RHBDL2: variants seen among roughly 807,000 people sequenced by gnomAD.
RHBDL2 encodes rhomboid like 2, also known as rhomboid-related protein 2.
In RHBDL2, 26 loss-of-function variants were observed where a neutral mutation model predicts 31.7. The ratio of observed to expected loss-of-function variants is 0.82; its 90% CI spans 0.60 to 1.14. The LOEUF is 1.14. RHBDL2 is among the 50% of genes most tolerant of loss of function. The probability of loss-of-function intolerance (pLI) is 0.00; values close to 1 mark genes in which losing one functional copy is unlikely to be tolerated. For missense variants in RHBDL2, 336 were observed against 364.4 expected, an observed-to-expected ratio of 0.92 and a Z score of 0.63; for synonymous variants, 123 against 127.2, an observed-to-expected ratio of 0.97 and a Z score of 0.22.
chr1:38,924,969 C>T (rs1295605761), intron 1 of RHBDL2, among the ~76,000 whole-genome samples: 8 of 151,536 alleles, frequency 5.3e-5, no homozygotes, highest in African/African-American at 1.9e-4. Flanking sequence ...TTAGTAGAGA[C>T]AGGGTTTCAC....
intron 5 of RHBDL2, among the ~76,000 whole-genome samples, chr1:38,894,698 T>C (rs1178322411): frequency 1.5e-5 from 1 of 68,202 alleles, no homozygotes; most frequent in Non-Finnish European, 3.7e-5. Flanking sequence ...CTTTTTTTTC[T>C]TTTTTTTTCT....
chr1:38,911,390 C>T lies in RHBDL2; in HGVS notation c.440G>A (p.Gly147Asp), dbSNP rs1557614876. Residue 147 changes from glycine to aspartate, a missense_variant, in exon 4 of 8, where the codon GGT becomes GAT. Physicochemically the swap from Gly to Asp is moderately conservative, Grantham distance 94 (BLOSUM62 -1). Transcript: ENST00000372990. ...TTTGTGGACCATTTCCAAGGGAATACCCAAAACAAGCTGCATACAAAGATT... is the reference window on the plus strand; with the variant it reads ...TTTGTGGACCATTTCCAAGGGAATATCCAAAACAAGCTGCATACAAAGATT... The part of the protein sequence containing the change: ...LGNLCMQLVL[G>D]IPLEMVHKGL... 1.9e-6 allele frequency: 3 copies of T among 1,613,930 alleles called. No individual in the cohort carries two copies. Among genetic ancestry groups the T allele is most frequent in the South Asian group, 1.1e-5 (1 of 91,076 alleles).
chr1:38,895,408 CAACT>C (rs772505920), intron 5 of RHBDL2, among the ~76,000 whole-genome samples: 3 of 152,058 alleles, frequency 2.0e-5, no homozygotes. Flanking sequence ...ACCACCCACC[CAACT>C]GTTAACAGAT....
In RHBDL2 at chr1:38,927,320, G is replaced by A. The variant is rs558555599; in HGVS notation, c.-125-7983C>T. Reference sequence around the variant, plus strand: ...CGGGCGCCTGTAGTCCCAGCTACTCGGGAGGCTGAGGCAGGAGAACGGCAT... The same window carrying A: ...CGGGCGCCTGTAGTCCCAGCTACTCAGGAGGCTGAGGCAGGAGAACGGCAT... On this transcript the variant is annotated intron_variant, in intron 1 of 7. Coordinates refer to ENST00000372990, the MANE Select transcript of RHBDL2 (RefSeq NM_017821.5). 2.6e-5 allele frequency among the ~76,000 whole-genome samples: 4 copies of A among 152,212 alleles called. No homozygotes were observed. The East Asian group carries it at 7.7e-4, about 29-fold the overall frequency.
intron 1 of RHBDL2, among the ~76,000 whole-genome samples, chr1:38,935,602 T>C (rs1415050436): frequency 6.6e-6 from 1 of 152,118 alleles, no homozygotes; most frequent in Non-Finnish European, 1.5e-5. Flanking sequence ...TAATTAGCAT[T>C]GAGCAAATTT....
intron 1 of RHBDL2, among the ~76,000 whole-genome samples, chr1:38,921,803 A>G (rs1306272299): frequency 6.6e-6 from 1 of 152,130 alleles, no homozygotes; most frequent in Non-Finnish European, 1.5e-5. Flanking sequence ...ACTTTTTGCC[A>G]CGTCTCATAA....
chr1:38,894,713 T>C (rs1642894178), intron 5 of RHBDL2, among the ~76,000 whole-genome samples: 2 of 143,444 alleles, frequency 1.4e-5, no homozygotes, highest in African/African-American at 2.6e-5. Flanking sequence ...TTTTCTTTTT[T>C]TTTTTTTTTT....
intron 4 of RHBDL2, among the ~76,000 whole-genome samples, chr1:38,902,611 G>C (rs6600452): frequency 0.36 from 54,564 of 151,522 alleles, 10,949 homozygotes; most frequent in Non-Finnish European, 0.45. Context: ...TAATAGAGAC[G>C]GGGTTTCACC....
intron 3 of RHBDL2, among the ~76,000 whole-genome samples, chr1:38,913,037 C>A (rs1298024993): frequency 6.8e-6 from 1 of 146,300 alleles, no homozygotes; most frequent in African/African-American, 2.6e-5. Flanking sequence ...GGCTGGAGTG[C>A]GGTGGCGCGA....
At chr1:38,931,707 A>G (rs1180701655) in intron 1 of RHBDL2, among the ~76,000 whole-genome samples, 1 of 151,878 alleles carries the variant, frequency 6.6e-6, no homozygotes, top group Non-Finnish European at 1.5e-5. Context: ...GAAAAAAAAA[A>G]AAGAAAGAAA....
chr1:38,939,734 G>A (rs1643543612), intron 1 of RHBDL2, among the ~76,000 whole-genome samples: 1 of 152,092 alleles, frequency 6.6e-6, no homozygotes, highest in South Asian at 2.1e-4. Flanking sequence ...TAGAGAAGAG[G>A]TCTCACTGTG....
At position 38,920,609 on chromosome 1, in the gene RHBDL2, T is replaced by C. The variant is rs544855845; in HGVS notation, c.-125-1272A>G. On this transcript the variant is annotated intron_variant, in intron 1 of 7. Transcript: ENST00000372990. ...GAACATCCCTGTACAAGTTTTCTCT[T>C]TTTTTTTTTTTTTTTGAGACAGAGT... 6.7e-3 allele frequency among the ~76,000 whole-genome samples: 599 copies of C among 89,070 alleles called. 6 individuals carry two copies. The highest frequency in any genetic ancestry group is 0.017 in the African/African-American group (558 of 33,608). 58.4% of individuals were successfully genotyped at this position (89,070 alleles called of 152,430 possible). A position where few individuals can be genotyped will look rare whatever the true frequency, so the allele number is the denominator to read the frequency against.
intron 3 of RHBDL2, among the ~76,000 whole-genome samples, chr1:38,913,385 T>C (rs895254842): frequency 6.6e-6 from 1 of 152,192 alleles, no homozygotes; most frequent in Non-Finnish European, 1.5e-5. Flanking sequence ...GCTCAGAACA[T>C]ACTTGTTAAA....
At chr1:38,931,180 T>A (rs78879945) in intron 1 of RHBDL2, among the ~76,000 whole-genome samples, 1 of 152,204 alleles carries the variant, frequency 6.6e-6, no homozygotes, top group African/African-American at 2.4e-5. Flanking sequence ...TGAAAACTTC[T>A]GCCCTAGAGA....
intron 4 of RHBDL2, among the ~76,000 whole-genome samples, chr1:38,907,851 C>A (rs1271122168): frequency 2.0e-5 from 3 of 152,032 alleles, no homozygotes; most frequent in Non-Finnish European, 2.9e-5. Flanking sequence ...AAGACATAAC[C>A]CCAAAAGTAC....
At chr1:38,940,321 A>G (rs987956510) in intron 1 of RHBDL2, among the ~76,000 whole-genome samples, 69 of 152,096 alleles carry the variant, frequency 4.5e-4, no homozygotes, top group African/African-American at 1.6e-3. Context: ...TTTTACCACA[A>G]ACCAGCACCT....
chr1:38,936,520 G>A (rs1281556121), intron 1 of RHBDL2, among the ~76,000 whole-genome samples: 3 of 134,232 alleles, frequency 2.2e-5, no homozygotes, highest in Admixed American at 1.5e-4. Flanking sequence ...TTTTTTTCAA[G>A]ATGGAGTTTT....
chr1:38,897,853 G>A (rs1452364701), intron 4 of RHBDL2, among the ~76,000 whole-genome samples: 4 of 152,160 alleles, frequency 2.6e-5, no homozygotes, highest in African/African-American at 9.7e-5. Flanking sequence ...CCAGTAGGCC[G>A]GGCACGGTGG....
At chr1:38,922,740 A>G (rs1643330310) in intron 1 of RHBDL2, among the ~76,000 whole-genome samples, 1 of 150,188 alleles carries the variant, frequency 6.7e-6, no homozygotes, top group South Asian at 2.1e-4. Flanking sequence ...GCTCACGTTT[A>G]TCTTCTGCCC....
Sources: gnomAD v4.1 joint callset for allele counts (sites outside exome capture counted in the v4.1 genomes callset) on GRCh38, gnomAD v4.1.1 for gene constraint, MANE v1.5 for transcripts, NCBI Gene and HGNC (gene_info 2026-07-23, HGNC 2026-07-21) for gene names.